MYH7: variants seen among roughly 807,000 people sequenced by gnomAD.
The protein encoded by MYH7 is myosin-7.
A neutral mutation model predicts 225.4 loss-of-function variants in MYH7; 129 were observed. That is an observed-to-expected ratio of 0.57 (90% confidence interval 0.50 to 0.66). The LOEUF is 0.66. Among genes scored for constraint, MYH7 ranks in the 30% least tolerant of loss-of-function variants. The pLI is 0.00. For missense variants in MYH7, 1,649 were observed against 2,517.0 expected (o/e 0.66, Z 7.38); for synonymous variants, 971 against 1,007.6 (o/e 0.96, Z 0.69).
At chr14:23,431,549 G>A (rs1042443271) in intron 8 of MYH7, 36 bp downstream of exon 8, 1 of 1,613,976 alleles carries the variant, frequency 6.2e-7, no homozygotes, top group Non-Finnish European at 8.5e-7. Context: ...TCCTCCACCA[G>A]TCCAAGTCCC....
chr14:23,426,664 G>A (rs1892704949), intron 18 of MYH7, 113 bp downstream of exon 18: 7 of 975,210 alleles, frequency 7.2e-6, no homozygotes, highest in South Asian at 5.3e-5. Flanking sequence ...GATGGGAGGA[G>A]AAGAATGTGG....
intron 22 of MYH7, 53 bp downstream of exon 22, chr14:23,424,716 G>C (rs1164797743): frequency 6.2e-7 from 1 of 1,611,236 alleles, no homozygotes; most frequent in Non-Finnish European, 8.5e-7. Flanking sequence ...CAGGGTTGTG[G>C]GAAGTGAAGG....
In MYH7 at chr14:23,433,359, GA is replaced by G; in HGVS notation, c.202-133del. 1.4e-6 allele frequency: 2 copies of G among 1,476,572 alleles called. No homozygotes were observed. Among genetic ancestry groups the G allele is most frequent in the Non-Finnish European group, 1.9e-6 (2 of 1,070,694 alleles). 91.5% of individuals were successfully genotyped at this position (1,476,572 alleles called of 1,614,324 possible). A position where few individuals can be genotyped will look rare whatever the true frequency, so the allele number is the denominator to read the frequency against. On this transcript the variant is annotated intron_variant, in intron 3 of 39. Coordinates refer to ENST00000355349, the MANE Select transcript of MYH7 (RefSeq NM_000257.4). This position sits in a 1 kb window ranked among gnomAD's most constrained non-coding sequence, Gnocchi z 4.1. ...GAACCAGGATCTCACAGGGAAGACA[GA>G]AGGGATATTGGGAAGGAGAGGGCTC...
rs730880822 is a variant in MYH7, at chr14:23,415,020, C to T, written c.5534G>A (p.Arg1845Gln). The T allele has an allele frequency of 3.1e-6, 5 of 1,609,868 alleles. No individual in the cohort carries two copies. The highest frequency in any genetic ancestry group is 1.7e-5 in the Admixed American group (1 of 60,030). Residue 1845 changes from arginine (R) to glutamine (Q), a missense_variant, in exon 37 of 40, where the codon CGG (arginine) becomes CAG (glutamine). Physicochemically the swap from Arg to Gln is conservative, Grantham distance 43 (BLOSUM62 1). This residue lies in a region of MYH7 where 687 missense variants were observed against 913.8 expected (regional missense o/e 0.75). Coordinates refer to ENST00000355349, the MANE Select transcript of MYH7 (RefSeq NM_000257.4). This position sits in a 1 kb window ranked among gnomAD's most constrained non-coding sequence, Gnocchi z 6.3. ...ESVKGMRKSE[R>Q]RIKELTYQTE... ...CTGGTAGGTGAGCTCCTTGATGCGCCGCTCGCTCTTCCTCATGCCCTTCAC... is the reference window on the plus strand; with the variant it reads ...CTGGTAGGTGAGCTCCTTGATGCGCTGCTCGCTCTTCCTCATGCCCTTCAC...
intron 27 of MYH7, 58 bp downstream of exon 27, chr14:23,419,787 G>A: frequency 6.2e-7 from 1 of 1,614,008 alleles, no homozygotes; most frequent in Non-Finnish European, 8.5e-7. Flanking sequence ...ACACTACATG[G>A]ACAGAAAGGG....
chr14:23,424,952 G>C lies in MYH7; in HGVS notation c.2496C>G (p.Leu832=). 1 of 1,614,194 alleles carries C rather than the reference G, an allele frequency of 6.2e-7. No homozygotes were observed. The highest frequency in any genetic ancestry group is 1.1e-5 in the South Asian group (1 of 91,090). ...MGVKNWPWMK[L]YFKIKPLLKS... ...TCAGCAGCGGCTTGATCTTGAAGTA[G>C]AGCTTCATCCAGGGCCAATTCTTGA... Residue 832 remains leucine, a synonymous_variant, in exon 22 of 40, where the codon CTC becomes CTG. Transcript: ENST00000355349.
intron 29 of MYH7, among the ~76,000 whole-genome samples, 173 bp from the exon 30 acceptor site, chr14:23,418,579 G>C (rs1892332192): frequency 6.6e-6 from 1 of 152,206 alleles, no homozygotes; most frequent in African/African-American, 2.4e-5. Flanking sequence ...TGCCAATACA[G>C]CAGTGAACTA....
intron 27 of MYH7, 118 bp from the exon 28 acceptor site, chr14:23,419,727 G>C (rs1892390110): frequency 6.2e-7 from 1 of 1,612,212 alleles, no homozygotes; most frequent in Non-Finnish European, 8.5e-7. Flanking sequence ...GAGGGGATCT[G>C]AGAACCAGGC....
intron 9 of MYH7, 80 bp downstream of exon 9, chr14:23,431,338 G>A: frequency 7.3e-7 from 1 of 1,360,796 alleles, no homozygotes; most frequent in East Asian, 2.3e-5. Flanking sequence ...GGGAGGGAGG[G>A]GAGAGAGAGA....
chr14:23,425,478 G>A lies in MYH7; in HGVS notation c.2287-60C>T. On this transcript the variant is annotated intron_variant, in intron 20 of 39. Coordinates refer to ENST00000355349, the MANE Select transcript of MYH7 (RefSeq NM_000257.4). This position sits in a 1 kb window ranked among gnomAD's most constrained non-coding sequence, Gnocchi z 4.6. ...AGGGGTACGAGGGAAAGAGATGGTG[G>A]GGATTACCTTAGGAAGGGTAACAGC... is the stretch of plus-strand genomic sequence containing the variant. The A allele has an allele frequency of 6.2e-7, 1 of 1,612,690 alleles. No homozygotes were observed. Among genetic ancestry groups the A allele is most frequent in the Non-Finnish European group, 8.5e-7 (1 of 1,179,604 alleles).
At position 23,423,650 on chromosome 14, in the gene MYH7, A is replaced by G; in HGVS notation, c.2996T>C (p.Leu999Pro). 6.2e-7 allele frequency: 1 copy of G among 1,614,072 alleles called. No individual in the cohort carries two copies. Among genetic ancestry groups the G allele is most frequent in the Non-Finnish European group, 8.5e-7 (1 of 1,180,010 alleles). Residue 999 changes from leucine to proline, a missense_variant, in exon 24 of 40, where the codon CTG becomes CCG. This residue lies in a region of MYH7 where 282 missense variants were observed against 315.3 expected (regional missense o/e 0.89). Coordinates refer to ENST00000355349, the MANE Select transcript of MYH7 (RefSeq NM_000257.4). ...IAKLTKEKKA[L>P]QEAHQQALDD... is the part of the protein sequence containing the mutation. ...CAGAGCCTGTTGGTGGGCCTCTTGC[A>G]GAGCTTTCTTCTCCTTGGTCAGCTT...
At chr14:23,422,481 C>T (rs1892513904) in intron 24 of MYH7, among the ~76,000 whole-genome samples, 156 bp from the exon 25 acceptor site, 1 of 151,956 alleles carries the variant, frequency 6.6e-6, no homozygotes, top group African/African-American at 2.4e-5. Flanking sequence ...TGTGAGATTG[C>T]CTAGATATAG....
intron 27 of MYH7, 41 bp from the exon 28 acceptor site, chr14:23,419,650 G>A (rs1247076503): frequency 1.2e-6 from 2 of 1,612,514 alleles, no homozygotes; most frequent in East Asian, 2.2e-5. Flanking sequence ...TGTTGGGGGC[G>A]GGGGGAATGA....
At position 23,416,048 on chromosome 14, in the gene MYH7, C is replaced by T. The variant is rs141122361; in HGVS notation, c.4909G>A (p.Ala1637Thr). 128 of 1,614,080 alleles carry T rather than the reference C, an allele frequency of 7.9e-5. 1 individual carries two copies. The African/African-American group carries it at 9.9e-4, about 12-fold the overall frequency. ...IQLSHANRMA[A>T]EAQKQVKSLQ... ...CTCTTGACTTGCTTCTGGGCCTCGG[C>T]GGCCATGCGGTTGGCGTGGCTGAGC... The change falls in exon 34 of 40, where the codon GCC becomes ACC. Residue 1637 changes from alanine (A) to threonine (T), a missense_variant. Ala to Thr is a moderately conservative substitution (Grantham distance 58). Coordinates refer to ENST00000355349, the MANE Select transcript of MYH7 (RefSeq NM_000257.4).
intron 14 of MYH7, 108 bp from the exon 15 acceptor site, chr14:23,428,778 C>G: frequency 6.3e-7 from 1 of 1,589,760 alleles, no homozygotes; most frequent in Non-Finnish European, 8.6e-7. Context: ...CTGGTCCCCT[C>G]CATGTCAAGG....
At chr14:23,426,126 TG>T (rs1662150704) in intron 18 of MYH7, 45 bp from the exon 19 acceptor site, 1 of 1,606,104 alleles carries the variant, frequency 6.2e-7, no homozygotes, top group South Asian at 1.1e-5. Context: ...AACACTGGAC[TG>T]AAGTTCTGGG....
At chr14:23,418,050 G>C (rs1892299960) in intron 30 of MYH7, 160 bp downstream of exon 30, 2 of 1,143,946 alleles carry the variant, frequency 1.7e-6, no homozygotes, top group Non-Finnish European at 1.3e-6. Flanking sequence ...CGAGCAAAAA[G>C]CTTCCCTGAG....
Position 23,424,844 on chromosome 14 carries a change from A to G in MYH7, c.2604T>C (p.Ala868=), listed in dbSNP as rs769628768. Residue 868 remains alanine, a synonymous_variant, in exon 22 of 40, where the codon GCT becomes GCC. Transcript: ENST00000355349. ...TCTTCTCCTCCAGCTCCTTGCGGCG[A>G]GCCTCGGACTTCTCTAGCGCCTCTT... ...RLKEALEKSE[A]RRKELEEKMV... The G allele has an allele frequency of 6.2e-7, 1 of 1,614,212 alleles. No homozygotes were observed. Among genetic ancestry groups the G allele is most frequent in the South Asian group, 1.1e-5 (1 of 91,086 alleles).
At chr14:23,430,496 T>A (rs1004439978) in intron 11 of MYH7, 64 bp downstream of exon 11, 10 of 1,316,574 alleles carry the variant, frequency 7.6e-6, no homozygotes, top group Non-Finnish European at 8.7e-6. Context: ...GCTCTGCTTT[T>A]GGACCCCTGT....
Sources: gnomAD v4.1 joint callset for allele counts (sites outside exome capture counted in the v4.1 genomes callset) on GRCh38, gnomAD v4.1.1 for gene constraint, gnomAD v4.1.1 regional missense constraint, Gnocchi (gnomAD v3.1) non-coding constraint, MANE v1.5 for transcripts, NCBI Gene and HGNC (gene_info 2026-07-23, HGNC 2026-07-21) for gene names.